Variants in SOX6 observed in about 807,000 individuals in gnomAD.
The protein encoded by SOX6 is transcription factor SOX-6.
SOX6 carries 11 observed loss-of-function variants against 97.8 expected under a neutral mutation model. That is an observed-to-expected ratio of 0.11 (90% confidence interval 0.07 to 0.19). SOX6 has a LOEUF of 0.19. SOX6 is among the 10% of genes least tolerant of loss of function. SOX6 has a pLI of 1.00. For missense variants in SOX6, 810 were observed against 1,039.5 expected (o/e 0.78, Z 3.04); for synonymous variants, 360 against 371.4 (o/e 0.97, Z 0.35).
At chr11:16,365,168 C>T (rs1177231984) in intron 1 of SOX6, among the ~76,000 whole-genome samples, 1 of 151,444 alleles carries the variant, frequency 6.6e-6, no homozygotes, top group Non-Finnish European at 1.5e-5. Flanking sequence ...TAAACTTTAC[C>T]ACAGGTTTGT....
At chr11:16,127,811 C>A (rs1364172495) in intron 6 of SOX6, among the ~76,000 whole-genome samples, 2 of 152,052 alleles carry the variant, frequency 1.3e-5, no homozygotes, top group Non-Finnish European at 2.9e-5. Flanking sequence ...TGAGGGGAAT[C>A]CATAACAGAC....
intron 1 of SOX6, among the ~76,000 whole-genome samples, chr11:16,467,569 A>G (rs1420361084): frequency 6.6e-6 from 1 of 152,190 alleles, no homozygotes; most frequent in East Asian, 1.9e-4. Context: ...CTTACTTAAA[A>G]GTGAGAGCTA....
chr11:16,336,519 A>G (rs548290660), intron 2 of SOX6, among the ~76,000 whole-genome samples: 1 of 152,108 alleles, frequency 6.6e-6, no homozygotes, highest in African/African-American at 2.4e-5. Context: ...ATCATCAATC[A>G]AACTCTCACC....
At chr11:16,444,616 TC>T (rs1464023415) in intron 1 of SOX6, among the ~76,000 whole-genome samples, 1 of 152,144 alleles carries the variant, frequency 6.6e-6, no homozygotes, top group African/African-American at 2.4e-5. Flanking sequence ...AACAAGTTAG[TC>T]CCCTTCCCTC....
intron 9 of SOX6, among the ~76,000 whole-genome samples, chr11:16,073,270 A>C (rs1848267141): frequency 6.6e-6 from 1 of 152,156 alleles, no homozygotes; most frequent in African/African-American, 2.4e-5. Flanking sequence ...GCAAACAGAA[A>C]ACAGAAAAAA....
At chr11:16,297,658 T>C (rs1855136942) in intron 3 of SOX6, among the ~76,000 whole-genome samples, 1 of 152,166 alleles carries the variant, frequency 6.6e-6, no homozygotes, top group African/African-American at 2.4e-5. Context: ...TGCACTACTC[T>C]CTGGCTCTAG....
intron 1 of SOX6, among the ~76,000 whole-genome samples, chr11:16,367,779 C>T (rs1221499077): frequency 6.6e-6 from 1 of 152,040 alleles, no homozygotes; most frequent in East Asian, 1.9e-4. Context: ...CCAATATTAG[C>T]ATAAAGAGAA....
intron 4 of SOX6, among the ~76,000 whole-genome samples, chr11:16,564,825 C>T (rs938645987): frequency 6.6e-6 from 1 of 151,762 alleles, no homozygotes; most frequent in Non-Finnish European, 1.5e-5. Context: ...CTGAGAAAGA[C>T]ATTTATAACA....
At position 16,178,099 on chromosome 11, in the gene SOX6, A is replaced by G. The variant is rs528059154; in HGVS notation, c.777+5787T>C. Among the ~76,000 whole-genome samples, 11 of 152,092 alleles carry G rather than the reference A, an allele frequency of 7.2e-5. No individual in the cohort carries two copies. In the East Asian group the frequency reaches 1.9e-3, roughly 27 times the overall value. On this transcript the variant is annotated intron_variant, in intron 6 of 15. Transcript: ENST00000683767. The stretch of plus-strand genomic sequence containing the variant: ...CTTTGCCATAAGGCCACACTCGGAA[A>G]AACAGGTAACTAGCTGATTCCATTG...
intron 12 of SOX6, among the ~76,000 whole-genome samples, chr11:16,041,779 T>C (rs891487085): frequency 6.6e-6 from 1 of 152,172 alleles, no homozygotes; most frequent in African/African-American, 2.4e-5. Flanking sequence ...TCCTAGCAGG[T>C]AGCTAGTTTA....
chr11:16,031,685 G>C (rs1438343902), intron 12 of SOX6, among the ~76,000 whole-genome samples: 1 of 152,068 alleles, frequency 6.6e-6, no homozygotes, highest in Admixed American at 6.6e-5. Context: ...GCAGTAGGCT[G>C]TAAGATTGCA....
chr11:16,382,290 C>T (rs1040323211), intron 1 of SOX6: 20 of 151,904 alleles, frequency 1.3e-4, no homozygotes, highest in Admixed American at 9.9e-4. Flanking sequence ...TCAAATACCT[C>T]GACTTCAGGA....
intron 4 of SOX6, among the ~76,000 whole-genome samples, chr11:16,503,218 C>T (rs1184498654): frequency 6.6e-6 from 1 of 151,310 alleles, no homozygotes; most frequent in African/African-American, 2.4e-5. Flanking sequence ...TTATGGAGTT[C>T]TACCCCTGGA....
At chr11:16,187,082 C>T in intron 4 of SOX6, 127 bp from the exon 5 acceptor site, 1 of 995,462 alleles carries the variant, frequency 1.0e-6, no homozygotes, top group Non-Finnish European at 1.6e-6. Context: ...GACTGGAGGC[C>T]ATTGAGGGTA....
intron 4 of SOX6, among the ~76,000 whole-genome samples, chr11:16,522,317 G>A (rs1382605488): frequency 1.3e-5 from 2 of 152,182 alleles, no homozygotes; most frequent in African/African-American, 4.8e-5. Context: ...GACAGTGGGG[G>A]CCAATATTCA....
intron 2 of SOX6, among the ~76,000 whole-genome samples, chr11:16,322,733 C>A (rs1855964659): frequency 6.6e-6 from 1 of 152,160 alleles, no homozygotes; most frequent in Admixed American, 6.5e-5. Flanking sequence ...AATTTGAATA[C>A]TGATGAACAA....
intron 12 of SOX6, chr11:16,023,306 T>A (rs1446197612): frequency 6.6e-6 from 1 of 152,162 alleles, no homozygotes; most frequent in Admixed American, 6.5e-5. Context: ...ACAGTATCCA[T>A]GTCTTATTAT....
chr11:16,641,922 G>A (rs1848922054), intron 3 of SOX6, among the ~76,000 whole-genome samples: 1 of 152,166 alleles, frequency 6.6e-6, no homozygotes, highest in African/African-American at 2.4e-5. Flanking sequence ...GGTTAATATT[G>A]TTATGTGTGA....
intron 3 of SOX6, among the ~76,000 whole-genome samples, chr11:16,283,197 T>C (rs1490445499): frequency 1.3e-5 from 2 of 148,482 alleles, no homozygotes; most frequent in African/African-American, 2.5e-5. Context: ...TGAATGGCAA[T>C]ATCCAAACCA....
Sources: gnomAD v4.1 joint callset for allele counts (sites outside exome capture counted in the v4.1 genomes callset) on GRCh38, gnomAD v4.1.1 for gene constraint, MANE v1.5 for transcripts, NCBI Gene and HGNC (gene_info 2026-07-23, HGNC 2026-07-21) for gene names.